The following FUT8 variants were observed in gnomAD, a reference collection of about 807,000 sequenced individuals.
FUT8 encodes the protein alpha-(1,6)-fucosyltransferase.
In FUT8, 29 loss-of-function variants were observed where a neutral mutation model predicts 71.3. That is an observed-to-expected ratio of 0.41 (90% confidence interval 0.30 to 0.55). The LOEUF is 0.55. FUT8 is among the 20% of genes least tolerant of loss of function. The pLI is 0.34. For synonymous variants in FUT8, 254 were observed against 239.3 expected, an observed-to-expected ratio of 1.06 and a Z score of -0.57; for missense variants, 544 against 702.1, an observed-to-expected ratio of 0.77 and a Z score of 2.55.
chr14:65,508,408 TG>T (rs1296245923), intron 2 of FUT8, among the ~76,000 whole-genome samples: 1 of 150,900 alleles, frequency 6.6e-6, no homozygotes, highest in Non-Finnish European at 1.5e-5. Flanking sequence ...GTTGTATGTC[TG>T]TTTTTTTTTT....
At position 65,441,798 on chromosome 14, in the gene FUT8, ATT is replaced by A. The variant is rs374962601; in HGVS notation, c.-325-13812_-325-13811del. Among the ~76,000 whole-genome samples the A allele has an allele frequency of 5.7e-3, 769 of 134,472 alleles. 29 individuals carry two copies. The East Asian group carries it at 0.095, about 17-fold the overall frequency. 88.2% of individuals were successfully genotyped at this position (134,472 alleles called of 152,430 possible). The stretch of plus-strand genomic sequence containing the variant: ...AAAAAATCAGTTTGTATTTACTCAG[ATT>A]TTTTTTTTTTAATTATACTTTAAGT... On this transcript the variant is annotated intron_variant, in intron 1 of 10. Coordinates refer to ENST00000673929, the MANE Select transcript of FUT8 (RefSeq NM_001371533.1).
chr14:65,664,064 G>A lies in FUT8; in HGVS notation c.598-5179G>A, dbSNP rs377539175. Among the ~76,000 whole-genome samples, 4 of 152,050 alleles carry A rather than the reference G, an allele frequency of 2.6e-5. No homozygotes were observed. In the East Asian group the frequency reaches 7.7e-4, roughly 29 times the overall value. On this transcript the variant is annotated intron_variant, in intron 6 of 10. Transcript: ENST00000673929. ...TCTGTACTATCTTTGCAGTAATTCA[G>A]TACATCTAAAAACTGTTCTAAAAGA...
chr14:65,544,449 GCACA>G (rs548271406), intron 2 of FUT8, among the ~76,000 whole-genome samples: 60 of 151,778 alleles, frequency 4.0e-4, no homozygotes, highest in African/African-American at 1.1e-3. Flanking sequence ...TTATTTATGT[GCACA>G]CACACACACA....
chr14:65,645,002 C>T (rs1278888313), intron 6 of FUT8, among the ~76,000 whole-genome samples: 2 of 152,068 alleles, frequency 1.3e-5, no homozygotes, highest in African/African-American at 4.8e-5. Flanking sequence ...ATGAGAAAAA[C>T]AGCTAAATAT....
At chr14:65,650,315 A>AAAAAAAAC (rs1891323903) in intron 6 of FUT8, among the ~76,000 whole-genome samples, 1 of 149,282 alleles carries the variant, frequency 6.7e-6, no homozygotes, top group African/African-American at 2.4e-5. Context: ...AAAAAAAAAA[A>AAAAAAAAC]AAAAAAAAAA....
intron 1 of FUT8, among the ~76,000 whole-genome samples, chr14:65,446,342 G>C (rs961218882): frequency 6.6e-6 from 1 of 152,118 alleles, no homozygotes; most frequent in Non-Finnish European, 1.5e-5. Context: ...TCCTAATTAG[G>C]TGTGATCCCT....
At chr14:65,610,932 T>G (rs1273227375) in intron 3 of FUT8, among the ~76,000 whole-genome samples, 2 of 151,816 alleles carry the variant, frequency 1.3e-5, no homozygotes, top group Non-Finnish European at 2.9e-5. Flanking sequence ...TTTTATAATT[T>G]TTATATTGGT....
chr14:65,369,563 C>T, the FUT8 span, among the ~76,000 whole-genome samples: 13,104 of 152,124 alleles, frequency 0.086, 733 homozygotes, highest in African/African-American at 0.15. This position sits in a 1 kb window ranked among gnomAD's most constrained non-coding sequence, Gnocchi z 4.6. Flanking sequence ...AGGAAGCTGG[C>T]CAAAACCCAC....
intron 3 of FUT8, among the ~76,000 whole-genome samples, chr14:65,612,926 C>T (rs1196742356): frequency 6.6e-6 from 1 of 152,050 alleles, no homozygotes; most frequent in East Asian, 1.9e-4. Context: ...CATTCTGTTC[C>T]CTAAGTATTC....
the FUT8 span, among the ~76,000 whole-genome samples, chr14:65,364,562 C>A: frequency 6.6e-6 from 1 of 152,192 alleles, no homozygotes; most frequent in Admixed American, 6.5e-5. Flanking sequence ...TCTCAGCATT[C>A]TTTTGCATCA....
At chr14:65,626,680 C>T (rs1219847538) in intron 5 of FUT8, among the ~76,000 whole-genome samples, 2 of 152,000 alleles carry the variant, frequency 1.3e-5, no homozygotes, top group African/African-American at 2.4e-5. Context: ...ATAGGTGTAC[C>T]TATTTATTGT....
At chr14:65,655,536 G>T (rs960169949) in intron 6 of FUT8, among the ~76,000 whole-genome samples, 5 of 150,492 alleles carry the variant, frequency 3.3e-5, no homozygotes, top group Non-Finnish European at 5.9e-5. Flanking sequence ...AGACTTCAGA[G>T]CAAAGAAAAC....
intron 5 of FUT8, among the ~76,000 whole-genome samples, chr14:65,628,845 C>T (rs1028606997): frequency 8.5e-5 from 13 of 152,204 alleles, no homozygotes; most frequent in Non-Finnish European, 4.4e-5. Context: ...AAATCTGGCT[C>T]ATTGCCTGTT....
chr14:65,402,239 T>A, the FUT8 span, among the ~76,000 whole-genome samples: 1 of 147,212 alleles, frequency 6.8e-6, no homozygotes, highest in African/African-American at 2.5e-5. Context: ...GGTCTTGTTC[T>A]GTCCCACAGG....
chr14:65,684,120 A>G (rs920762575), intron 7 of FUT8, among the ~76,000 whole-genome samples: 4 of 151,806 alleles, frequency 2.6e-5, no homozygotes, highest in African/African-American at 7.2e-5. Context: ...TTAAAAATAT[A>G]TATATATTTT....
At chr14:65,692,849 C>T (rs1455596907) in intron 7 of FUT8, among the ~76,000 whole-genome samples, 14 of 150,268 alleles carry the variant, frequency 9.3e-5, no homozygotes, top group African/African-American at 2.2e-4. Flanking sequence ...CGGGCAGAGG[C>T]GCTCCTCACA....
At chr14:65,446,678 C>CTCT (rs36151890) in intron 1 of FUT8, among the ~76,000 whole-genome samples, 43 of 134,264 alleles carry the variant, frequency 3.2e-4, no homozygotes, top group Admixed American at 3.1e-3. Flanking sequence ...TGTTTTAGGG[C>CTCT]TTTTTTTTTT....
rs531823611 is a variant in FUT8 at position 65,502,590 on chromosome 14, A to G, written c.-228+46872A>G. Among the ~76,000 whole-genome samples the G allele has an allele frequency of 9.2e-5, 14 of 152,256 alleles. No individual in the cohort carries two copies. In the South Asian group the frequency reaches 2.9e-3, roughly 32 times the overall value. On this transcript the variant is annotated intron_variant, in intron 2 of 10. Coordinates refer to ENST00000673929, the MANE Select transcript of FUT8 (RefSeq NM_001371533.1). The stretch of plus-strand genomic sequence containing the variant: ...TTGGTAACTTACATTTAATCATTAG[A>G]TACTCCTTCTTTGCCTCTTGAGGTA...
At chr14:65,458,200 A>C (rs2065922689) in intron 2 of FUT8, 1 of 151,422 alleles carries the variant, frequency 6.6e-6, no homozygotes, top group South Asian at 2.1e-4. Context: ...AAAAAACAAA[A>C]AAAACAGGTA....
Sources: allele counts gnomAD v4.1 joint callset (sites outside exome capture counted in the v4.1 genomes callset), GRCh38; gene constraint gnomAD v4.1.1; non-coding constraint Gnocchi (gnomAD v3.1); transcripts MANE v1.5; gene names NCBI Gene and HGNC (gene_info 2026-07-23, HGNC 2026-07-21).